Variants in ASCC1 observed in about 807,000 individuals in gnomAD.
The protein encoded by ASCC1 is activating signal cointegrator 1 complex subunit 1, also known as ASC-1 complex subunit P50.
In ASCC1, 35 loss-of-function variants were observed where a neutral mutation model predicts 46.6. That is an observed-to-expected ratio of 0.75 (90% CI 0.57 to 0.99). ASCC1 has a LOEUF of 0.99. Ranked by LOEUF, ASCC1 falls within the 50% of genes least tolerant of loss-of-function variation. The probability of loss-of-function intolerance (pLI) is 0.00; values close to 1 mark genes in which losing one functional copy is unlikely to be tolerated. For missense variants in ASCC1, 376 were observed against 428.7 expected, an observed-to-expected ratio of 0.88 and a Z score of 1.09; for synonymous variants, 143 against 146.6, an observed-to-expected ratio of 0.98 and a Z score of 0.18.
At chr10:72,105,788 T>C (rs762463622) in intron 9 of ASCC1, among the ~76,000 whole-genome samples, 7 of 152,238 alleles carry the variant, frequency 4.6e-5, no homozygotes, top group Middle Eastern at 3.4e-3. Flanking sequence ...GGGCTCACTG[T>C]GGTTATTTTT....
chr10:72,169,176 G>A (rs112244115), intron 5 of ASCC1, among the ~76,000 whole-genome samples: 28 of 152,320 alleles, frequency 1.8e-4, no homozygotes, highest in African/African-American at 4.6e-4. Context: ...AGGACAGGGC[G>A]GGTTGCCTCA....
chr10:72,161,732 A>G, intron 5 of ASCC1, 58 bp from the exon 6 acceptor site: 1 of 1,608,666 alleles, frequency 6.2e-7, no homozygotes, highest in Non-Finnish European at 8.5e-7. Context: ...AATGGCAAGA[A>G]TAAAATTGAG....
At chr10:72,127,356 A>G (rs1844987459) in intron 9 of ASCC1, among the ~76,000 whole-genome samples, 1 of 152,206 alleles carries the variant, frequency 6.6e-6, no homozygotes, top group African/African-American at 2.4e-5. Context: ...AGAAAGACAA[A>G]TGTAATCCTG....
At chr10:72,144,834 A>G (rs1386790678) in intron 7 of ASCC1, among the ~76,000 whole-genome samples, 1 of 152,124 alleles carries the variant, frequency 6.6e-6, no homozygotes, top group Non-Finnish European at 1.5e-5. Context: ...ATATAAAATC[A>G]TTATTTTATA....
chr10:72,187,645 G>T (rs530359789), intron 5 of ASCC1, among the ~76,000 whole-genome samples: 4 of 149,660 alleles, frequency 2.7e-5, no homozygotes, highest in Non-Finnish European at 5.9e-5. Context: ...GCGAGAACCC[G>T]GGAGACGGAG....
At chr10:72,213,732 C>T (rs2133546643) in intron 1 of ASCC1, among the ~76,000 whole-genome samples, 2 of 151,790 alleles carry the variant, frequency 1.3e-5, no homozygotes, top group Middle Eastern at 6.8e-3. Flanking sequence ...CATAGTGAGA[C>T]CTCGTCTCTA....
chr10:72,114,742 G>A (rs947568206), intron 9 of ASCC1, among the ~76,000 whole-genome samples: 1 of 152,004 alleles, frequency 6.6e-6, no homozygotes, highest in Non-Finnish European at 1.5e-5. Context: ...TTATCTTGAG[G>A]GCCTATTAAA....
chr10:72,097,515 G>A lies in ASCC1; in HGVS notation c.958-65C>T, dbSNP rs540613434. The A allele has an allele frequency of 1.7e-5, 17 of 999,324 alleles. No individual in the cohort carries two copies. In the South Asian group the frequency reaches 2.3e-4, roughly 13 times the overall value. 61.9% of individuals were successfully genotyped at this position (999,324 alleles called of 1,614,324 possible). A position where few individuals can be genotyped will look rare whatever the true frequency, so the allele number is the denominator to read the frequency against. On this transcript the variant is annotated intron_variant, in intron 9 of 9. Transcript: ENST00000672957. Reference sequence around the variant, plus strand: ...GTATAGATGAAAATATTAAACATCAGATTATCTTGTAAAAACACCAAACCA... The same window carrying A: ...GTATAGATGAAAATATTAAACATCAAATTATCTTGTAAAAACACCAAACCA...
At chr10:72,105,565 T>C (rs139426256) in intron 9 of ASCC1, among the ~76,000 whole-genome samples, 76 of 152,284 alleles carry the variant, frequency 5.0e-4, no homozygotes, top group Admixed American at 7.8e-4. Flanking sequence ...ATGTAGACCT[T>C]TGATGAAAGG....
chr10:72,160,506 G>A (rs1001288208), intron 6 of ASCC1, among the ~76,000 whole-genome samples: 1 of 151,918 alleles, frequency 6.6e-6, no homozygotes, highest in African/African-American at 2.4e-5. Flanking sequence ...TAACAACTCT[G>A]CCCTCAGAAC....
At chr10:72,203,774 C>T (rs911150650) in intron 3 of ASCC1, among the ~76,000 whole-genome samples, 3 of 152,118 alleles carry the variant, frequency 2.0e-5, no homozygotes, top group African/African-American at 4.8e-5. Flanking sequence ...GCCCAACACC[C>T]GTTTGCTTCT....
At chr10:72,102,502 G>A (rs1267182815) in intron 9 of ASCC1, 4 of 1,015,434 alleles carry the variant, frequency 3.9e-6, no homozygotes, top group Non-Finnish European at 6.0e-6. Context: ...TTATACTAGG[G>A]AAATGAACCT....
At position 72,166,567 on chromosome 10, in the gene ASCC1, AAAG is replaced by A. The variant is rs370033907; in HGVS notation, c.490-4896_490-4894del. Among the ~76,000 whole-genome samples, 578 of 152,128 alleles carry A rather than the reference AAAG, an allele frequency of 3.8e-3. 7 individuals are homozygous for A. Among genetic ancestry groups the A allele is most frequent in the African/African-American group, 0.012 (514 of 41,408 alleles). ...TATGACACCAAAAGCATAATCCATAAAAGAAAAAAAAATGGATAAAGTGAACTT... is the reference window on the plus strand; with the variant it reads ...TATGACACCAAAAGCATAATCCATAAAAAAAAAAATGGATAAAGTGAACTT... On this transcript the variant is annotated intron_variant, in intron 5 of 9. Coordinates refer to ENST00000672957, the MANE Select transcript of ASCC1 (RefSeq NM_001198800.3).
chr10:72,186,551 C>G (rs1256417099), intron 5 of ASCC1, among the ~76,000 whole-genome samples: 1 of 152,154 alleles, frequency 6.6e-6, no homozygotes, highest in Non-Finnish European at 1.5e-5. Context: ...AGAGAACTCA[C>G]ATAAATTGAG....
chr10:72,102,900 G>T (rs778901477), intron 9 of ASCC1: 1 of 418,854 alleles, frequency 2.4e-6, no homozygotes, highest in African/African-American at 2.1e-5. Context: ...ACTTGAACCC[G>T]GGAGGCACAG....
At chr10:72,193,984 G>T (rs11000211) in intron 5 of ASCC1, among the ~76,000 whole-genome samples, 7,722 of 151,252 alleles carry the variant, frequency 0.051, 455 homozygotes, top group East Asian at 0.14. Context: ...ACAGGTGCCC[G>T]CCACCACACC....
chr10:72,172,836 T>A (rs1241811795), intron 5 of ASCC1, among the ~76,000 whole-genome samples: 2 of 134,120 alleles, frequency 1.5e-5, no homozygotes, highest in African/African-American at 2.8e-5. Context: ...TTTTATATTT[T>A]TATATTATAT....
intron 9 of ASCC1, among the ~76,000 whole-genome samples, chr10:72,100,819 GA>G (rs1158436139): frequency 1.1e-4 from 17 of 152,126 alleles, no homozygotes; most frequent in African/African-American, 4.1e-4. Context: ...GACTGCATCT[GA>G]TCGATAAATA....
intron 9 of ASCC1, among the ~76,000 whole-genome samples, chr10:72,105,249 T>C (rs1842215201): frequency 6.6e-6 from 1 of 152,176 alleles, no homozygotes; most frequent in African/African-American, 2.4e-5. Flanking sequence ...CACGCTGCTG[T>C]CCACAGACAG....
Sources: gnomAD v4.1 joint callset for allele counts (sites outside exome capture counted in the v4.1 genomes callset) on GRCh38, gnomAD v4.1.1 for gene constraint, MANE v1.5 for transcripts, NCBI Gene and HGNC (gene_info 2026-07-23, HGNC 2026-07-21) for gene names.